The following CLEC16A variants were observed in gnomAD, a reference collection of about 807,000 sequenced individuals.
CLEC16A encodes protein CLEC16A.
Under a neutral mutation model 109.5 loss-of-function variants are expected in CLEC16A, and 51 were observed. The ratio of observed to expected loss-of-function variants is 0.47; its 90% CI spans 0.37 to 0.59. CLEC16A has a LOEUF of 0.59. Ranked by LOEUF, CLEC16A falls within the 20% of genes least tolerant of loss-of-function variation. CLEC16A has a pLI of 0.00. For missense variants in CLEC16A, 1,339 were observed against 1,394.0 expected, an observed-to-expected ratio of 0.96 and a Z score of 0.63; for synonymous variants, 673 against 564.2, an observed-to-expected ratio of 1.19 and a Z score of -2.73.
At chr16:11,055,207 G>T (rs185602060) in intron 18 of CLEC16A, among the ~76,000 whole-genome samples, 17 of 152,306 alleles carry the variant, frequency 1.1e-4, no homozygotes, top group Middle Eastern at 3.4e-3. Flanking sequence ...TTATTAACAA[G>T]TAAGAGAATA....
At chr16:10,962,408 TCCACATGTGGAAGCAAGC>T (rs983556055) in intron 2 of CLEC16A, 29 bp from the exon 3 acceptor site, 1 of 1,611,732 alleles carries the variant, frequency 6.2e-7, no homozygotes, top group Non-Finnish European at 8.5e-7. Context: ...AATTTCTGTT[TCCACATGTGGAAGCAAGC>T]CACTGATGCT....
chr16:11,157,943 G>A lies in CLEC16A; in HGVS notation c.2642-8445G>A, dbSNP rs572637251. 7.2e-5 allele frequency among the ~76,000 whole-genome samples: 11 copies of A among 152,228 alleles called. No individual in the cohort carries two copies. In the East Asian group the frequency reaches 1.4e-3, roughly 19 times the overall value. On this transcript the variant is annotated intron_variant, in intron 22 of 23. Transcript: ENST00000409790. The stretch of plus-strand genomic sequence containing the variant: ...GAGCTGCTTCTTGAGTCAGAAGCAC[G>A]AACAAGAAGGTTCTATGTCACCTGC...
intron 22 of CLEC16A, among the ~76,000 whole-genome samples, chr16:11,160,503 C>A (rs367870021): frequency 1.3e-5 from 2 of 152,244 alleles, no homozygotes; most frequent in East Asian, 3.9e-4. Context: ...CTCCCCACCT[C>A]ACTTGCCCCT....
At chr16:11,137,331 A>G (rs1022722736) in intron 22 of CLEC16A, among the ~76,000 whole-genome samples, 1 of 152,098 alleles carries the variant, frequency 6.6e-6, no homozygotes, top group African/African-American at 2.4e-5. Flanking sequence ...TTAATTCTGT[A>G]TGTAAGTTGA....
intron 20 of CLEC16A, among the ~76,000 whole-genome samples, chr16:11,122,946 C>T (rs2052541411): frequency 7.5e-6 from 1 of 133,006 alleles, no homozygotes; most frequent in Admixed American, 8.1e-5. Flanking sequence ...TTCTGTTGCC[C>T]GGGCTGGAGT....
At chr16:11,040,263 G>A (rs1013050163) in intron 14 of CLEC16A, 2 of 187,062 alleles carry the variant, frequency 1.1e-5, no homozygotes, top group Non-Finnish European at 2.2e-5. Context: ...TAACGGGCCA[G>A]TAGACGTAGG....
intron 11 of CLEC16A, among the ~76,000 whole-genome samples, chr16:11,019,050 A>G (rs1483419223): frequency 6.6e-6 from 1 of 152,190 alleles, no homozygotes; most frequent in Non-Finnish European, 1.5e-5. Context: ...GAGGGAGACC[A>G]TGGCAGAGGC....
chr16:11,120,688 T>C lies in CLEC16A; in HGVS notation c.2190T>C (p.Asp730=). 6.2e-7 allele frequency: 1 copy of C among 1,612,400 alleles called. No homozygotes were observed. Among genetic ancestry groups the C allele is most frequent in the Non-Finnish European group, 8.5e-7 (1 of 1,179,306 alleles). Residue 730 remains aspartate (D), a synonymous_variant, in exon 20 of 24, where the codon GAT becomes GAC. Transcript: ENST00000409790. ...GGMVQRFLAV[D]IYQMSLVEPD... is the part of the protein sequence containing the mutation. ...TGGTCCAGCGATTCCTGGCTGTGGATATTTACCAGATGAGTTTGGTGGAGC... is the reference window on the plus strand; with the variant it reads ...TGGTCCAGCGATTCCTGGCTGTGGACATTTACCAGATGAGTTTGGTGGAGC...
intron 8 of CLEC16A, among the ~76,000 whole-genome samples, chr16:10,978,190 A>G (rs761604742): frequency 1.1e-4 from 16 of 152,302 alleles, no homozygotes; most frequent in Non-Finnish European, 1.6e-4. Context: ...GACGGCTGGT[A>G]ACATGCAGGG....
rs200381678 is a variant in CLEC16A at position 10,977,324 on chromosome 16, C to T, written c.828C>T (p.Asn276=). The change falls in exon 8 of 24, where the codon AAC becomes AAT. Residue 276 remains asparagine, a synonymous_variant. Coordinates refer to ENST00000409790, the MANE Select transcript of CLEC16A (RefSeq NM_015226.3). ...DILIINCEFL[N]DVLTDHLLNR... The stretch of plus-strand genomic sequence containing the variant: ...TGATCATCAACTGTGAGTTCCTCAA[C>T]GATGTGCTCACTGACCACCTGCTCA... 9.3e-6 allele frequency: 15 copies of T among 1,613,866 alleles called. No homozygotes were observed. Among genetic ancestry groups the T allele is most frequent in the Middle Eastern group, 1.6e-4 (1 of 6,084 alleles).
chr16:11,064,520 T>G (rs1219036958), intron 19 of CLEC16A, among the ~76,000 whole-genome samples: 3 of 152,242 alleles, frequency 2.0e-5, no homozygotes, highest in Non-Finnish European at 4.4e-5. Context: ...CTCACACCTG[T>G]AATCTCAGCA....
intron 3 of CLEC16A, among the ~76,000 whole-genome samples, chr16:10,968,707 A>T (rs1274174801): frequency 1.3e-5 from 2 of 152,136 alleles, no homozygotes; most frequent in Non-Finnish European, 2.9e-5. Flanking sequence ...AGGGACCTTT[A>T]TGCAATCATG....
intron 15 of CLEC16A, among the ~76,000 whole-genome samples, chr16:11,043,392 A>G (rs1017146274): frequency 6.6e-6 from 1 of 152,212 alleles, no homozygotes; most frequent in Non-Finnish European, 1.5e-5. Context: ...CCTGGGCCAC[A>G]GATTGAGACT....
intron 19 of CLEC16A, among the ~76,000 whole-genome samples, chr16:11,102,219 T>C (rs2050961999): frequency 6.6e-6 from 1 of 152,204 alleles, no homozygotes; most frequent in Non-Finnish European, 1.5e-5. Flanking sequence ...GGGGGTGTGG[T>C]ATTGTATTAC....
intron 19 of CLEC16A, among the ~76,000 whole-genome samples, chr16:11,069,198 G>T (rs993796548): frequency 6.6e-6 from 1 of 152,074 alleles, no homozygotes; most frequent in Non-Finnish European, 1.5e-5. Context: ...TATAATCACG[G>T]CTCAGTGCAG....
chr16:11,044,238 T>A, intron 16 of CLEC16A, 166 bp downstream of exon 16: 1 of 497,222 alleles, frequency 2.0e-6, no homozygotes, highest in Non-Finnish European at 3.2e-6. Context: ...TAGCAATATC[T>A]AAACTTTTCT....
chr16:11,167,965 C>A (rs773766006), intron 23 of CLEC16A, among the ~76,000 whole-genome samples: 1 of 152,158 alleles, frequency 6.6e-6, no homozygotes, highest in Non-Finnish European at 1.5e-5. Flanking sequence ...GTTCATGCAC[C>A]CCAACGCACA....
intron 22 of CLEC16A, chr16:11,126,573 G>T: frequency 2.2e-6 from 1 of 447,098 alleles, no homozygotes; most frequent in Non-Finnish European, 3.8e-6. Context: ...GCTGCCCACA[G>T]GTCAGCTGTC....
rs528471520 is a variant in CLEC16A, at chr16:11,172,417, C to T, written c.2806+5865C>T. 3.9e-5 allele frequency among the ~76,000 whole-genome samples: 6 copies of T among 152,308 alleles called. No individual in the cohort carries two copies. The East Asian group carries it at 7.7e-4, about 20-fold the overall frequency. On this transcript the variant is annotated intron_variant, in intron 23 of 23. Coordinates refer to ENST00000409790, the MANE Select transcript of CLEC16A (RefSeq NM_015226.3). ...CCTACAGTGAGTTCCTTAAATAGCC[C>T]ACTCACACCTCTGAGCTCCAGATTA...
Sources: gnomAD v4.1 joint callset for allele counts (sites outside exome capture counted in the v4.1 genomes callset) on GRCh38, gnomAD v4.1.1 for gene constraint, MANE v1.5 for transcripts, NCBI Gene and HGNC (gene_info 2026-07-23, HGNC 2026-07-21) for gene names.